The following CDH9 variants were observed in gnomAD, a reference collection of about 807,000 sequenced individuals.
CDH9 encodes the protein cadherin-9.
CDH9 carries 28 observed loss-of-function variants against 70.9 expected under a neutral mutation model. That is an observed-to-expected ratio of 0.40 (90% CI 0.29 to 0.54). CDH9 has a LOEUF of 0.54. Among genes scored for constraint, CDH9 ranks in the 20% least tolerant of loss-of-function variants. The pLI is 0.59. For synonymous variants in CDH9, 409 were observed against 343.1 expected (o/e 1.19, Z -2.12); for missense variants, 874 against 984.4 (o/e 0.89, Z 1.50).
chr5:26,963,374 G>A (rs1011822565), intron 2 of CDH9, among the ~76,000 whole-genome samples: 3 of 152,102 alleles, frequency 2.0e-5, no homozygotes, highest in Non-Finnish European at 4.4e-5. Context: ...TTATGTCTGA[G>A]ACTCTCAAAA....
chr5:26,898,773 T>C (rs1740798507), intron 7 of CDH9, among the ~76,000 whole-genome samples: 1 of 152,128 alleles, frequency 6.6e-6, no homozygotes, highest in Non-Finnish European at 1.5e-5. Flanking sequence ...AAAGACTTCA[T>C]GACTAAAACA....
At chr5:26,946,248 G>A (rs1741749895) in intron 2 of CDH9, among the ~76,000 whole-genome samples, 1 of 152,110 alleles carries the variant, frequency 6.6e-6, no homozygotes, top group Non-Finnish European at 1.5e-5. Flanking sequence ...AAGATGTGGT[G>A]ACTTACATTG....
At chr5:26,892,822 C>T (rs927755851) in intron 7 of CDH9, among the ~76,000 whole-genome samples, 2 of 152,120 alleles carry the variant, frequency 1.3e-5, no homozygotes, top group African/African-American at 4.8e-5. Context: ...GCTCCGCCTT[C>T]CAGGTTTCCG....
At position 26,996,943 on chromosome 5, in the gene CDH9, T is replaced by C. The variant is rs1039130818; in HGVS notation, c.-49-8561A>G. 2.0e-5 allele frequency among the ~76,000 whole-genome samples: 3 copies of C among 152,058 alleles called. No homozygotes were observed. The East Asian group carries it at 5.8e-4, about 29-fold the overall frequency. ...AGAAATATGAGCTGCCATCTTCATA[T>C]AAGCAATCCTCAATGGCTATCACCA... On this transcript the variant is annotated intron_variant, in intron 1 of 11. Coordinates refer to ENST00000231021, the MANE Select transcript of CDH9 (RefSeq NM_016279.4).
Position 26,881,074 on chromosome 5 carries a change from G to A in CDH9, c.*62C>T, listed in dbSNP as rs951463293. 7 of 1,416,464 alleles carry A rather than the reference G, an allele frequency of 4.9e-6. No homozygotes were observed. The allele number at this position is 1,416,464 out of a possible 1,614,324, so 87.7% of individuals were successfully genotyped here. A position where few individuals can be genotyped will look rare whatever the true frequency, so the allele number is the denominator to read the frequency against. On this transcript the variant is annotated 3_prime_UTR_variant, in exon 12 of 12. Coordinates refer to ENST00000231021, the MANE Select transcript of CDH9 (RefSeq NM_016279.4). Reference sequence around the variant, plus strand: ...ATTTCCTCCCAGGAAGAGAATGCAGGCCACTCAATCTAATAACATAGACAG... The same window carrying A: ...ATTTCCTCCCAGGAAGAGAATGCAGACCACTCAATCTAATAACATAGACAG...
intron 2 of CDH9, among the ~76,000 whole-genome samples, chr5:26,974,873 T>A (rs1742279395): frequency 6.6e-6 from 1 of 152,034 alleles, no homozygotes; most frequent in Admixed American, 6.6e-5. Flanking sequence ...CTTCGCAAAT[T>A]TCAAGTATAC....
chr5:26,919,866 G>A (rs1313054588), intron 2 of CDH9, among the ~76,000 whole-genome samples: 2 of 152,118 alleles, frequency 1.3e-5, no homozygotes, highest in African/African-American at 4.8e-5. Context: ...AGGAGCCCCT[G>A]GACCCTGAAT....
chr5:26,990,664 T>C (rs1039049473), intron 1 of CDH9, among the ~76,000 whole-genome samples: 9 of 152,144 alleles, frequency 5.9e-5, no homozygotes, highest in Admixed American at 5.9e-4. Flanking sequence ...ACATGCCCCA[T>C]GTTTTGTAGC....
At chr5:26,989,624 T>C (rs1320171494) in intron 1 of CDH9, among the ~76,000 whole-genome samples, 1 of 151,960 alleles carries the variant, frequency 6.6e-6, no homozygotes, top group Non-Finnish European at 1.5e-5. Flanking sequence ...TGAATTCAGA[T>C]ATAAAATCTT....
chr5:27,015,193 C>T (rs1054548877), intron 1 of CDH9, among the ~76,000 whole-genome samples: 2 of 151,878 alleles, frequency 1.3e-5, no homozygotes, highest in Admixed American at 1.3e-4. Context: ...TGCAATATTC[C>T]TGTTACAAAA....
At chr5:27,037,541 A>G (rs922969475) in intron 1 of CDH9, among the ~76,000 whole-genome samples, 3 of 151,994 alleles carry the variant, frequency 2.0e-5, no homozygotes, top group African/African-American at 7.2e-5. Context: ...TCAATACTAA[A>G]GAATTTTGAT....
intron 1 of CDH9, among the ~76,000 whole-genome samples, chr5:27,007,979 CACTT>C (rs1047575397): frequency 6.6e-5 from 10 of 151,988 alleles, no homozygotes; most frequent in Non-Finnish European, 1.0e-4. Context: ...AAAAAAAAGA[CACTT>C]ACATTTGGAT....
At chr5:27,021,692 T>C (rs1489622621) in intron 1 of CDH9, among the ~76,000 whole-genome samples, 1 of 152,088 alleles carries the variant, frequency 6.6e-6, no homozygotes, top group African/African-American at 2.4e-5. Flanking sequence ...CCAACACAGC[T>C]GCTCTTCATG....
rs565530027 is a variant in CDH9, at chr5:26,885,482, G to T, written c.1882+132C>A. The T allele has an allele frequency of 3.4e-5, 28 of 814,594 alleles. No individual in the cohort carries two copies. In the African/African-American group the frequency reaches 4.5e-4, roughly 13 times the overall value. The allele number at this position is 814,594 out of a possible 1,614,324, so 50.5% of individuals were successfully genotyped here. ...AACGCTTATTTTTTCCTAATTGAAA[G>T]AAGAATTTTAATAAAAAGTGAAAAT... On this transcript the variant is annotated intron_variant, in intron 11 of 11. Transcript: ENST00000231021.
At chr5:26,973,215 G>T (rs1314177006) in intron 2 of CDH9, among the ~76,000 whole-genome samples, 2 of 152,072 alleles carry the variant, frequency 1.3e-5, no homozygotes, top group African/African-American at 4.8e-5. Context: ...CTGGGTATCA[G>T]TGGGGCTTTA....
intron 2 of CDH9, among the ~76,000 whole-genome samples, chr5:26,980,889 T>C (rs572095243): frequency 6.6e-5 from 10 of 152,168 alleles, no homozygotes; most frequent in African/African-American, 2.4e-4. Flanking sequence ...TTAATCTTAT[T>C]TACTATGATT....
At position 26,881,316 on chromosome 5, in the gene CDH9, A is replaced by T; in HGVS notation, c.2190T>A (p.Pro730=). 1 of 1,612,820 alleles carries T rather than the reference A, an allele frequency of 6.2e-7. No individual in the cohort carries two copies. Among genetic ancestry groups the T allele is most frequent in the Non-Finnish European group, 8.5e-7 (1 of 1,178,956 alleles). The stretch of plus-strand genomic sequence containing the variant: ...CATACGTTGCCAGCGAATCATATGG[A>T]GGTGCACTTGGGTCTGCGTCGTTTT... ...LKENDADPSA[P]PYDSLATYAY... Residue 730 remains proline, a synonymous_variant, in exon 12 of 12, where the codon CCT becomes CCA. Transcript: ENST00000231021.
chr5:26,920,168 C>G (rs1459350560), intron 2 of CDH9, among the ~76,000 whole-genome samples: 2 of 151,988 alleles, frequency 1.3e-5, no homozygotes, highest in African/African-American at 4.8e-5. Flanking sequence ...GGGAGAGACC[C>G]AGGCCTGGCA....
chr5:26,990,886 T>C (rs1449679369), intron 1 of CDH9, among the ~76,000 whole-genome samples: 2 of 152,200 alleles, frequency 1.3e-5, no homozygotes, highest in East Asian at 3.9e-4. Flanking sequence ...CAGTTCTAAC[T>C]ATGATGCCCA....
Sources: allele counts gnomAD v4.1 joint callset (sites outside exome capture counted in the v4.1 genomes callset), GRCh38; gene constraint gnomAD v4.1.1; transcripts MANE v1.5; gene names NCBI Gene and HGNC (gene_info 2026-07-23, HGNC 2026-07-21).